SUSD4: variants seen among roughly 807,000 people sequenced by gnomAD.
SUSD4 encodes sushi domain containing 4.
SUSD4 carries 41 observed loss-of-function variants against 50.5 expected under a neutral mutation model. The ratio of observed to expected loss-of-function variants is 0.81; its 90% CI spans 0.63 to 1.05. SUSD4 has a LOEUF of 1.05. SUSD4 is among the 50% of genes least tolerant of loss of function. The pLI is 0.00. For synonymous variants in SUSD4, 257 were observed against 257.3 expected (o/e 1.00, Z 0.01); for missense variants, 580 against 634.7 (o/e 0.91, Z 0.93).
chr1:223,363,618 C>A, intron 1 of SUSD4, 158 bp from the exon 2 acceptor site: 1 of 807,432 alleles, frequency 1.2e-6, no homozygotes, highest in East Asian at 2.9e-5. Flanking sequence ...GGCGAGGTCC[C>A]CCGCCTTCCC....
chr1:223,246,661 A>C (rs1660953007), intron 5 of SUSD4, among the ~76,000 whole-genome samples: 1 of 152,114 alleles, frequency 6.6e-6, no homozygotes, highest in Admixed American at 6.5e-5. Context: ...AGTGCTGGAC[A>C]CAGGCCTCAG....
intron 5 of SUSD4, among the ~76,000 whole-genome samples, chr1:223,262,997 A>G (rs1571914538): frequency 1.3e-5 from 2 of 152,318 alleles, no homozygotes; most frequent in East Asian, 3.9e-4. Flanking sequence ...CTATCCAATC[A>G]TATTCTCTAG....
At chr1:223,302,379 T>C (rs1665252405) in intron 2 of SUSD4, among the ~76,000 whole-genome samples, 1 of 152,150 alleles carries the variant, frequency 6.6e-6, no homozygotes, top group Non-Finnish European at 1.5e-5. Context: ...TTATCCAGGG[T>C]AAGACAAATG....
chr1:223,277,194 G>A (rs1268514179), intron 3 of SUSD4, among the ~76,000 whole-genome samples: 1 of 152,182 alleles, frequency 6.6e-6, no homozygotes, highest in Non-Finnish European at 1.5e-5. Context: ...GAAGCTCAAA[G>A]AACCTTCTTA....
At chr1:223,356,605 T>C (rs1668683011) in intron 2 of SUSD4, among the ~76,000 whole-genome samples, 1 of 152,066 alleles carries the variant, frequency 6.6e-6, no homozygotes, top group African/African-American at 2.4e-5. Context: ...CCTTTTGACA[T>C]ATACTAACTA....
chr1:223,334,481 C>G (rs1013203842), intron 2 of SUSD4, among the ~76,000 whole-genome samples: 9 of 152,110 alleles, frequency 5.9e-5, no homozygotes, highest in Admixed American at 2.0e-4. Flanking sequence ...AGGCATGAGT[C>G]TCCAAACTGA....
chr1:223,327,869 C>A lies in SUSD4; in HGVS notation c.149-35218G>T, dbSNP rs560907628. ...AAGTACAAAATCTCCTTGGTCAAAC[C>A]CTCTAATCATTTGGAAAGCAGCAAT... is the stretch of plus-strand genomic sequence containing the variant. On this transcript the variant is annotated intron_variant, in intron 2 of 8. Transcript: ENST00000366878. Among the ~76,000 whole-genome samples the A allele has an allele frequency of 2.0e-5, 3 of 152,268 alleles. No individual in the cohort carries two copies. The South Asian group carries it at 6.2e-4, about 32-fold the overall frequency.
chr1:223,306,998 G>C (rs1159384499), intron 2 of SUSD4, among the ~76,000 whole-genome samples: 1 of 150,466 alleles, frequency 6.6e-6, no homozygotes, highest in Non-Finnish European at 1.5e-5. Flanking sequence ...AAATTCTACA[G>C]TTTATAGTCT....
At chr1:223,344,680 C>T (rs1280884597) in intron 2 of SUSD4, among the ~76,000 whole-genome samples, 2 of 152,158 alleles carry the variant, frequency 1.3e-5, no homozygotes, top group African/African-American at 4.8e-5. Context: ...CTCTCCACCA[C>T]TTCTCATGTT....
At chr1:223,327,016 CATT>C (rs368610801) in intron 2 of SUSD4, among the ~76,000 whole-genome samples, 53 of 152,270 alleles carry the variant, frequency 3.5e-4, no homozygotes, top group African/African-American at 1.2e-3. Flanking sequence ...GAAGATGAGT[CATT>C]ATATGAAAAA....
At chr1:223,318,818 G>T (rs1666392372) in intron 2 of SUSD4, among the ~76,000 whole-genome samples, 1 of 137,040 alleles carries the variant, frequency 7.3e-6, no homozygotes, top group Non-Finnish European at 1.6e-5. Context: ...AAGTTCATAT[G>T]GAACCAAAAA....
At chr1:223,362,938 C>T (rs1669072798) in intron 2 of SUSD4, among the ~76,000 whole-genome samples, 2 of 17,086 alleles carry the variant, frequency 1.2e-4, no homozygotes, top group East Asian at 1.1e-3. Flanking sequence ...CCCCCACCCC[C>T]CACCCCTCCC....
intron 2 of SUSD4, among the ~76,000 whole-genome samples, chr1:223,302,615 C>G (rs1665265413): frequency 6.6e-6 from 1 of 152,156 alleles, no homozygotes; most frequent in Admixed American, 6.5e-5. Context: ...ATTCTGAGGG[C>G]CCCCTGCCCC....
chr1:223,229,189 A>C lies in SUSD4; in HGVS notation c.916+8T>G. On this transcript the variant is annotated splice_region_variant and intron_variant, in intron 6 of 8. Coordinates refer to ENST00000366878, the MANE Select transcript of SUSD4 (RefSeq NM_017982.4). The surrounding 1 kb of genome is among the most constrained non-coding windows in gnomAD (Gnocchi z 4.7). ...CATCTCCTCCAAGGGTGAGGCCTTC[A>C]GTCTTACCTGATTTGATGCAGTAGA... 1 of 1,590,288 alleles carries C rather than the reference A, an allele frequency of 6.3e-7. No homozygotes were observed. The highest frequency in any genetic ancestry group is 1.1e-5 in the South Asian group (1 of 90,192).
chr1:223,240,002 A>G (rs1660472194), intron 5 of SUSD4, among the ~76,000 whole-genome samples: 1 of 152,144 alleles, frequency 6.6e-6, no homozygotes, highest in South Asian at 2.1e-4. Context: ...TGTTTGCCCA[A>G]GAAAATCTTC....
At chr1:223,287,040 T>C (rs1558216656) in intron 3 of SUSD4, among the ~76,000 whole-genome samples, 1 of 152,210 alleles carries the variant, frequency 6.6e-6, no homozygotes, top group Non-Finnish European at 1.5e-5. Flanking sequence ...AGGAAAACCA[T>C]CCTAGGGATG....
intron 5 of SUSD4, among the ~76,000 whole-genome samples, chr1:223,235,724 C>T (rs907885392): frequency 6.6e-6 from 1 of 152,118 alleles, no homozygotes; most frequent in African/African-American, 2.4e-5. Context: ...AAATAATATT[C>T]CATTGTCTGG....
chr1:223,335,804 TGATCAGAGGG>T (rs1159013190), intron 2 of SUSD4, among the ~76,000 whole-genome samples: 1 of 152,164 alleles, frequency 6.6e-6, no homozygotes, highest in East Asian at 1.9e-4. Context: ...ACTGAGACGG[TGATCAGAGGG>T]CTCTGAGAAG....
chr1:223,312,815 G>C (rs1450098936), intron 2 of SUSD4, among the ~76,000 whole-genome samples: 1 of 152,180 alleles, frequency 6.6e-6, no homozygotes, highest in African/African-American at 2.4e-5. Context: ...CAGTGAGGCA[G>C]ATGAGGAAAG....
Sources: allele counts gnomAD v4.1 joint callset (sites outside exome capture counted in the v4.1 genomes callset), GRCh38; gene constraint gnomAD v4.1.1; non-coding constraint Gnocchi (gnomAD v3.1); transcripts MANE v1.5; gene names NCBI Gene and HGNC (gene_info 2026-07-23, HGNC 2026-07-21).